Variants in GLMN observed in about 807,000 individuals in gnomAD.
GLMN encodes glomulin.
In GLMN, 75 loss-of-function variants were observed where a neutral mutation model predicts 87.8. The observed-to-expected ratio is 0.85, with a 90% CI of 0.71 to 1.04. The LOEUF is 1.04. GLMN is among the 50% of genes least tolerant of loss of function. The pLI, the probability that GLMN is intolerant of heterozygous loss-of-function variation, is 0.00. For synonymous variants in GLMN, 206 were observed against 221.6 expected (o/e 0.93, Z 0.63); for missense variants, 588 against 658.8 (o/e 0.89, Z 1.18).
the GLMN span, among the ~76,000 whole-genome samples, chr1:92,326,691 T>C: frequency 6.6e-6 from 1 of 152,144 alleles, no homozygotes; most frequent in African/African-American, 2.4e-5. Flanking sequence ...TCCAGGAAGA[T>C]TATGGCTGCC....
At chr1:92,333,457 GA>G in the GLMN span, 1 of 1,612,564 alleles carries the variant, frequency 6.2e-7, no homozygotes, top group East Asian at 2.2e-5. Context: ...CATCGTACTT[GA>G]AAAGTTGAGT....
At chr1:92,327,421 T>C in the GLMN span, among the ~76,000 whole-genome samples, 1 of 152,266 alleles carries the variant, frequency 6.6e-6, no homozygotes, top group South Asian at 2.1e-4. Context: ...TGTCCCTCTT[T>C]GTCTTTTTAA....
At chr1:92,273,475 C>G (rs1656471802) in intron 7 of GLMN, among the ~76,000 whole-genome samples, 1 of 134,472 alleles carries the variant, frequency 7.4e-6, no homozygotes, top group Non-Finnish European at 1.5e-5. Context: ...GACAAGGTCT[C>G]ACTCTGTCAC....
At chr1:92,336,562 C>T in the GLMN span, 7 of 611,416 alleles carry the variant, frequency 1.1e-5, no homozygotes, top group African/African-American at 7.5e-5. Flanking sequence ...TCTATTTTCT[C>T]CTCCACTAAA....
intron 9 of GLMN, among the ~76,000 whole-genome samples, chr1:92,268,493 A>G (rs1028128876): frequency 2.1e-4 from 32 of 152,380 alleles, no homozygotes; most frequent in African/African-American, 7.5e-4. Flanking sequence ...ATTCAAAAAA[A>G]GACTCAATGA....
At chr1:92,315,111 C>CA in the GLMN span, among the ~76,000 whole-genome samples, 3,653 of 135,700 alleles carry the variant, frequency 0.027, 58 homozygotes, top group Non-Finnish European at 0.037. Flanking sequence ...GTTGCAGTCT[C>CA]AAAAAAAAAA....
intron 7 of GLMN, among the ~76,000 whole-genome samples, chr1:92,280,923 G>C (rs142753768): frequency 1.1e-4 from 17 of 152,168 alleles, no homozygotes; most frequent in African/African-American, 4.1e-4. Flanking sequence ...AGAGAAAAAA[G>C]AGTGCAAAGA....
At chr1:92,354,893 T>A in the GLMN span, among the ~76,000 whole-genome samples, 1 of 141,422 alleles carries the variant, frequency 7.1e-6, no homozygotes. Context: ...TTATGTAAAT[T>A]ATTATTATTA....
At chr1:92,255,688 G>A (rs542664273) in intron 16 of GLMN, among the ~76,000 whole-genome samples, 1 of 152,236 alleles carries the variant, frequency 6.6e-6, no homozygotes, top group East Asian at 1.9e-4. Flanking sequence ...AATTAAGGCA[G>A]AAATAAATAA....
chr1:92,256,164 A>C (rs1000280777), intron 16 of GLMN, among the ~76,000 whole-genome samples: 6 of 152,166 alleles, frequency 3.9e-5, no homozygotes, highest in African/African-American at 1.4e-4. Flanking sequence ...AAAATGGATA[A>C]ATTCCTGGAC....
At chr1:92,351,632 C>T in the GLMN span, among the ~76,000 whole-genome samples, 1 of 152,112 alleles carries the variant, frequency 6.6e-6, no homozygotes, top group African/African-American at 2.4e-5. Context: ...ATATTTGAGC[C>T]TGTAACACAA....
At chr1:92,331,504 TA>T in the GLMN span, among the ~76,000 whole-genome samples, 2 of 152,300 alleles carry the variant, frequency 1.3e-5, no homozygotes, top group South Asian at 4.1e-4. Flanking sequence ...TACTGATCAT[TA>T]AATGGTTACC....
chr1:92,336,871 A>G, the GLMN span, among the ~76,000 whole-genome samples: 3 of 152,180 alleles, frequency 2.0e-5, no homozygotes, highest in South Asian at 6.2e-4. Context: ...GCAATTTAAT[A>G]TTGAATTACA....
the GLMN span, among the ~76,000 whole-genome samples, chr1:92,358,458 G>C: frequency 6.6e-6 from 1 of 151,994 alleles, no homozygotes; most frequent in Non-Finnish European, 1.5e-5. Context: ...CTATACATAG[G>C]CCTTTACAAC....
intron 6 of GLMN, among the ~76,000 whole-genome samples, chr1:92,286,836 T>C (rs753942024): frequency 3.3e-5 from 5 of 152,204 alleles, no homozygotes; most frequent in Admixed American, 6.5e-5. Context: ...AGCCCACTTT[T>C]GCCTTTTGCC....
the GLMN span, among the ~76,000 whole-genome samples, chr1:92,353,217 G>T: frequency 4.6e-5 from 7 of 152,190 alleles, no homozygotes; most frequent in East Asian, 1.9e-4. Context: ...CCTAGGAGTA[G>T]AATTGCTGGG....
intron 8 of GLMN, among the ~76,000 whole-genome samples, chr1:92,271,168 T>G (rs75199573): frequency 9.0e-4 from 137 of 152,300 alleles, no homozygotes; most frequent in African/African-American, 3.1e-3. Flanking sequence ...ATGATACCCC[T>G]GGGTACCTGG....
At chr1:92,300,814 G>T (rs1293934182), upstream of GLMN, among the ~76,000 whole-genome samples, 1 of 152,198 alleles carries the variant, frequency 6.6e-6, no homozygotes, top group Admixed American at 6.5e-5. Flanking sequence ...TTGAGTATAA[G>T]ATATGTCGGA....
chr1:92,354,433 G>C, the GLMN span, among the ~76,000 whole-genome samples: 1 of 152,134 alleles, frequency 6.6e-6, no homozygotes, highest in East Asian at 1.9e-4. Context: ...GTCACAAACA[G>C]GAATTAGATA....
Sources: allele counts gnomAD v4.1 joint callset (sites outside exome capture counted in the v4.1 genomes callset), GRCh38; gene constraint gnomAD v4.1.1; transcripts MANE v1.5; gene names NCBI Gene and HGNC (gene_info 2026-07-23, HGNC 2026-07-21).